Variants in OTUD7A observed in about 807,000 individuals in gnomAD.
The protein encoded by OTUD7A is OTU deubiquitinase 7A.
Under a neutral mutation model 65.7 loss-of-function variants are expected in OTUD7A, and 12 were observed. The observed-to-expected ratio is 0.18, with a 90% CI of 0.12 to 0.30. The LOEUF is 0.30. Ranked by LOEUF, OTUD7A falls within the 10% of genes least tolerant of loss-of-function variation. OTUD7A has a pLI of 1.00. For missense variants in OTUD7A, 1,148 were observed against 1,304.8 expected, an observed-to-expected ratio of 0.88 and a Z score of 1.85; for synonymous variants, 641 against 586.3, an observed-to-expected ratio of 1.09 and a Z score of -1.35.
chr15:31,675,806 T>C (rs1272186558), intron 1 of OTUD7A, among the ~76,000 whole-genome samples: 1 of 152,208 alleles, frequency 6.6e-6, no homozygotes, highest in Non-Finnish European at 1.5e-5. Flanking sequence ...AAATATCCTG[T>C]AAGTTAATTA....
At chr15:31,686,728 T>C (rs1041073129) in intron 1 of OTUD7A, among the ~76,000 whole-genome samples, 2 of 152,170 alleles carry the variant, frequency 1.3e-5, no homozygotes, top group Admixed American at 6.5e-5. Flanking sequence ...TGGGTTGATA[T>C]TGCCCCAGAA....
chr15:31,699,453 G>A (rs1229563033), intron 1 of OTUD7A, among the ~76,000 whole-genome samples: 1 of 152,130 alleles, frequency 6.6e-6, no homozygotes, highest in Non-Finnish European at 1.5e-5. Flanking sequence ...CATTGTTTAT[G>A]GATGACTGTG....
chr15:31,516,314 G>A (rs1444868329), intron 8 of OTUD7A, among the ~76,000 whole-genome samples: 2 of 152,216 alleles, frequency 1.3e-5, no homozygotes, highest in Admixed American at 6.5e-5. Flanking sequence ...AGGACAGCTG[G>A]AGCAGAGCAG....
At chr15:31,500,200 T>C (rs527407471) in intron 10 of OTUD7A, among the ~76,000 whole-genome samples, 2 of 152,288 alleles carry the variant, frequency 1.3e-5, no homozygotes, top group South Asian at 4.1e-4. Context: ...TACGAAGAGC[T>C]AAATCCCCGG....
chr15:31,716,687 A>G (rs976773270), intron 1 of OTUD7A, among the ~76,000 whole-genome samples: 1 of 137,226 alleles, frequency 7.3e-6, no homozygotes, highest in Admixed American at 7.5e-5. Context: ...TGGCCTATCA[A>G]TTTTAGTGAG....
chr15:31,554,997 C>T (rs750090462), intron 5 of OTUD7A, among the ~76,000 whole-genome samples: 74 of 152,172 alleles, frequency 4.9e-4, no homozygotes, highest in Non-Finnish European at 9.3e-4. Context: ...GAAGACCAGT[C>T]TCCCAGATCT....
At chr15:31,508,715 AG>A (rs777488123) in intron 8 of OTUD7A, among the ~76,000 whole-genome samples, 4 of 152,188 alleles carry the variant, frequency 2.6e-5, no homozygotes, top group African/African-American at 4.8e-5. Flanking sequence ...CTGTGTTAAA[AG>A]ATTTTTAGTT....
At chr15:31,736,472 G>A (rs1163956139) in intron 1 of OTUD7A, among the ~76,000 whole-genome samples, 1 of 152,176 alleles carries the variant, frequency 6.6e-6, no homozygotes, top group East Asian at 1.9e-4. Context: ...AAAAAGAGGT[G>A]CTGTCTTAAG....
In OTUD7A at chr15:31,483,425, C is replaced by G; in HGVS notation, c.2671G>C (p.Gly891Arg). ...CGCTGGCAGCGCCGCTGCACCGGCC[C>G]CGGGCCGCCACGGCCGCACTCACCG... The part of the protein sequence containing the change: ...SNGECGRGGP[G>R]PVQRRCQREN... The change falls in exon 13 of 13, where the codon GGG becomes CGG. Residue 891 changes from glycine (G) to arginine (R), a missense_variant. Transcript: ENST00000307050. The G allele has an allele frequency of 2.2e-6, 3 of 1,372,618 alleles. No homozygotes were observed. Among genetic ancestry groups the G allele is most frequent in the Non-Finnish European group, 2.8e-6 (3 of 1,062,884 alleles). 85.0% of individuals were successfully genotyped at this position (1,372,618 alleles called of 1,614,324 possible).
intron 1 of OTUD7A, among the ~76,000 whole-genome samples, chr15:31,741,782 T>A (rs962699361): frequency 6.6e-6 from 1 of 151,242 alleles, no homozygotes; most frequent in Non-Finnish European, 1.5e-5. Flanking sequence ...ATAGGAAAAA[T>A]AGCAAAATAA....
At chr15:31,570,800 C>T (rs577853689) in intron 3 of OTUD7A, among the ~76,000 whole-genome samples, 9 of 152,176 alleles carry the variant, frequency 5.9e-5, no homozygotes, top group Admixed American at 2.0e-4. Flanking sequence ...GCTCCCACCC[C>T]GACACGGGGT....
At chr15:31,516,870 G>A (rs1315175371) in intron 8 of OTUD7A, among the ~76,000 whole-genome samples, 1 of 152,126 alleles carries the variant, frequency 6.6e-6, no homozygotes, top group Non-Finnish European at 1.5e-5. Context: ...TGGCCTCCAT[G>A]CCCAGGATCT....
intron 1 of OTUD7A, among the ~76,000 whole-genome samples, chr15:31,782,930 G>C (rs1451705822): frequency 6.6e-6 from 1 of 152,144 alleles, no homozygotes; most frequent in Non-Finnish European, 1.5e-5. Flanking sequence ...TGAGCTGGAG[G>C]TGTAGCTTGG....
chr15:31,503,936 AC>A (rs1284656011), intron 8 of OTUD7A, 118 bp from the exon 9 acceptor site: 3 of 1,258,096 alleles, frequency 2.4e-6, no homozygotes, highest in Non-Finnish European at 3.3e-6. Context: ...ATCTTCATGG[AC>A]CCCGGCAGCT....
chr15:31,486,484 A>G (rs904783172), intron 12 of OTUD7A, among the ~76,000 whole-genome samples: 3 of 152,394 alleles, frequency 2.0e-5, no homozygotes, highest in East Asian at 1.9e-4. Context: ...GAGAGGACCA[A>G]TTACTTGCAG....
intron 1 of OTUD7A, among the ~76,000 whole-genome samples, chr15:31,726,452 G>C (rs557247754): frequency 6.6e-6 from 1 of 152,074 alleles, no homozygotes; most frequent in Non-Finnish European, 1.5e-5. Context: ...CCCTTGAACA[G>C]TGTAGCTAAG....
In OTUD7A at chr15:31,698,142, T is replaced by A. The variant is rs572925600; in HGVS notation, c.-99-41065A>T. Reference sequence around the variant, plus strand: ...TTATGCTAGTGACAATTCCATCTTTTATTAAATATAATTTTTTTCAAACTA... The same window carrying A: ...TTATGCTAGTGACAATTCCATCTTTAATTAAATATAATTTTTTTCAAACTA... On this transcript the variant is annotated intron_variant, in intron 1 of 12. Transcript: ENST00000307050. Among the ~76,000 whole-genome samples, 5 of 152,278 alleles carry A rather than the reference T, an allele frequency of 3.3e-5. No individual in the cohort carries two copies. The South Asian group carries it at 8.3e-4, about 25-fold the overall frequency.
intron 1 of OTUD7A, among the ~76,000 whole-genome samples, chr15:31,830,206 AAACACTCTTAGTC>A (rs1194150781): frequency 6.6e-6 from 1 of 152,186 alleles, no homozygotes; most frequent in East Asian, 1.9e-4. Context: ...TTAAGTCTGT[AAACACTCTTAGTC>A]AATGATTTTA....
rs760020757 is a variant in OTUD7A, at chr15:31,487,174, C to T, written c.1371+20G>A. ...CCTGGACCCTGCTGCCAGGTCTGGT[C>T]CCAGCACAGCCAGGCTCACCCGTGT... is the stretch of plus-strand genomic sequence containing the variant. On this transcript the variant is annotated intron_variant, in intron 12 of 12. Coordinates refer to ENST00000307050, the MANE Select transcript of OTUD7A (RefSeq NM_001382637.1). This position sits in a 1 kb window ranked among gnomAD's most constrained non-coding sequence, Gnocchi z 6.0. 6.2e-7 allele frequency: 1 copy of T among 1,610,090 alleles called. No individual in the cohort carries two copies. The highest frequency in any genetic ancestry group is 2.2e-5 in the East Asian group (1 of 44,810).
Sources: gnomAD v4.1 joint callset for allele counts (sites outside exome capture counted in the v4.1 genomes callset) on GRCh38, gnomAD v4.1.1 for gene constraint, Gnocchi (gnomAD v3.1) non-coding constraint, MANE v1.5 for transcripts, NCBI Gene and HGNC (gene_info 2026-07-23, HGNC 2026-07-21) for gene names.